ST6GAL1: variants seen among roughly 807,000 people sequenced by gnomAD.
The protein encoded by ST6GAL1 is ST6 beta-galactoside alpha-2,6-sialyltransferase 1.
In ST6GAL1, 20 loss-of-function variants were observed where a neutral mutation model predicts 38.0. That is an observed-to-expected ratio of 0.53 (90% CI 0.37 to 0.77). The LOEUF is 0.77. Among genes scored for constraint, ST6GAL1 ranks in the 30% least tolerant of loss-of-function variants. The pLI is 0.00. For synonymous variants in ST6GAL1, 196 were observed against 188.2 expected, an observed-to-expected ratio of 1.04 and a Z score of -0.34; for missense variants, 432 against 496.4, an observed-to-expected ratio of 0.87 and a Z score of 1.23.
chr3:187,039,312 T>C (rs1718046649), intron 3 of ST6GAL1, among the ~76,000 whole-genome samples: 1 of 152,184 alleles, frequency 6.6e-6, no homozygotes, highest in South Asian at 2.1e-4. Flanking sequence ...TTGTAAAGAT[T>C]CTCTGATACA....
At chr3:187,013,276 C>T (rs1009689112) in intron 2 of ST6GAL1, among the ~76,000 whole-genome samples, 1 of 152,210 alleles carries the variant, frequency 6.6e-6, no homozygotes, top group Non-Finnish European at 1.5e-5. Context: ...CAGTTTAAAG[C>T]CTTCTCCCAT....
intron 5 of ST6GAL1, among the ~76,000 whole-genome samples, chr3:187,054,022 G>T (rs575248131): frequency 2.6e-4 from 39 of 152,138 alleles, no homozygotes; most frequent in Non-Finnish European, 4.0e-4. Flanking sequence ...CACATCCCTT[G>T]TAAGTTGGAT....
chr3:187,007,186 C>T (rs976627041), intron 2 of ST6GAL1, among the ~76,000 whole-genome samples: 8 of 152,198 alleles, frequency 5.3e-5, no homozygotes, highest in East Asian at 3.9e-4. Context: ...GCTAAGAGTC[C>T]GAGATAACTC....
chr3:187,068,419 T>A (rs564729462), intron 5 of ST6GAL1, among the ~76,000 whole-genome samples: 40 of 152,144 alleles, frequency 2.6e-4, no homozygotes, highest in Non-Finnish European at 5.0e-4. Flanking sequence ...ACTTACTGAC[T>A]GTGTAATTTG....
At chr3:186,941,525 G>A (rs772481340) in intron 1 of ST6GAL1, among the ~76,000 whole-genome samples, 2 of 152,050 alleles carry the variant, frequency 1.3e-5, no homozygotes, top group Non-Finnish European at 2.9e-5. Context: ...CTTTTCATGC[G>A]GAAGAAATCA....
chr3:187,066,150 G>T (rs958306539), intron 5 of ST6GAL1, among the ~76,000 whole-genome samples: 2 of 152,192 alleles, frequency 1.3e-5, no homozygotes, highest in African/African-American at 4.8e-5. Flanking sequence ...GGGTGATTTT[G>T]ATGGAACCCC....
chr3:187,033,761 G>T (rs1717833913), intron 2 of ST6GAL1, among the ~76,000 whole-genome samples: 1 of 151,894 alleles, frequency 6.6e-6, no homozygotes, highest in South Asian at 2.1e-4. Context: ...TTTATTTTTG[G>T]CAGTGTTATT....
At chr3:186,938,707 G>C (rs1016971527) in intron 1 of ST6GAL1, among the ~76,000 whole-genome samples, 1 of 152,128 alleles carries the variant, frequency 6.6e-6, no homozygotes, top group African/African-American at 2.4e-5. Flanking sequence ...TTTTTATTAG[G>C]GAAAATTTCA....
chr3:186,989,344 A>T (rs1166210958), intron 2 of ST6GAL1, among the ~76,000 whole-genome samples: 1 of 152,244 alleles, frequency 6.6e-6, no homozygotes, highest in African/African-American at 2.4e-5. Context: ...AATGGGGAAG[A>T]GTTCAGTCCA....
chr3:187,073,458 A>C (rs1464885468), intron 6 of ST6GAL1: 1 of 164,964 alleles, frequency 6.1e-6, no homozygotes, highest in African/African-American at 2.4e-5. Flanking sequence ...GACTTGATTT[A>C]CTAAGCAGAA....
intron 1 of ST6GAL1, among the ~76,000 whole-genome samples, chr3:186,938,938 G>C (rs769747393): frequency 6.6e-6 from 1 of 152,106 alleles, no homozygotes; most frequent in Non-Finnish European, 1.5e-5. Flanking sequence ...CTCTGCTGTC[G>C]CAGTCATGGG....
chr3:187,073,900 G>T, intron 6 of ST6GAL1: 1 of 338,690 alleles, frequency 3.0e-6, no homozygotes, highest in Non-Finnish European at 5.3e-6. Context: ...CTCTGATCCT[G>T]AAGCCTGAAG....
At chr3:186,949,428 C>T (rs915343125) in intron 1 of ST6GAL1, among the ~76,000 whole-genome samples, 3 of 152,172 alleles carry the variant, frequency 2.0e-5, no homozygotes, top group Non-Finnish European at 4.4e-5. Context: ...AGGAATGAAT[C>T]CCCAGAAGAT....
rs1215423409 is a variant in ST6GAL1, at chr3:186,953,039, AT to A, written c.-324-10745del. On this transcript the variant is annotated intron_variant, in intron 1 of 7. Transcript: ENST00000169298. ...AAATTAAGAAACAACTACTTAATTC[AT>A]CAAATTCATGTTGGTCCAGGACAGA... is the stretch of plus-strand genomic sequence containing the variant. Among the ~76,000 whole-genome samples, 4 of 152,218 alleles carry A rather than the reference AT, an allele frequency of 2.6e-5. No individual in the cohort carries two copies. In the East Asian group the frequency reaches 7.7e-4, roughly 29 times the overall value.
At position 186,977,692 on chromosome 3, in the gene ST6GAL1, G is replaced by T. The variant is rs371949099; in HGVS notation, c.-183+13766G>T. ...GCCTCAGGAGGGCTAATTCCATCCC[G>T]TGCCTCCAGGGGCCTGCTGTATTTG... On this transcript the variant is annotated intron_variant, in intron 2 of 7. Transcript: ENST00000169298. Among the ~76,000 whole-genome samples, 9 of 152,234 alleles carry T rather than the reference G, an allele frequency of 5.9e-5. No individual in the cohort carries two copies. The East Asian group carries it at 1.5e-3, about 26-fold the overall frequency.
intron 2 of ST6GAL1, among the ~76,000 whole-genome samples, chr3:186,989,502 G>C (rs1716078600): frequency 6.6e-6 from 1 of 152,206 alleles, no homozygotes; most frequent in South Asian, 2.1e-4. Flanking sequence ...TCATCAGATA[G>C]AGGATTGGGC....
At chr3:186,987,430 C>A (rs970967168) in intron 2 of ST6GAL1, among the ~76,000 whole-genome samples, 3 of 152,088 alleles carry the variant, frequency 2.0e-5, no homozygotes, top group Non-Finnish European at 4.4e-5. Context: ...ATACAACAAG[C>A]CTTTGGGGGA....
intron 1 of ST6GAL1, among the ~76,000 whole-genome samples, chr3:186,954,427 A>C (rs1714680978): frequency 2.0e-5 from 3 of 152,228 alleles, no homozygotes; most frequent in African/African-American, 7.2e-5. Context: ...ACAATGGTTG[A>C]ACTAATTTAC....
chr3:186,979,895 A>G (rs6783888), intron 2 of ST6GAL1, among the ~76,000 whole-genome samples: 29,603 of 152,100 alleles, frequency 0.19, 3,078 homozygotes, highest in South Asian at 0.29. Flanking sequence ...TATAGCACCA[A>G]TCAGGTCAGT....
Sources: allele counts gnomAD v4.1 joint callset (sites outside exome capture counted in the v4.1 genomes callset), GRCh38; gene constraint gnomAD v4.1.1; transcripts MANE v1.5; gene names NCBI Gene and HGNC (gene_info 2026-07-23, HGNC 2026-07-21).